Variants in TRAPPC9 observed in about 807,000 individuals in gnomAD.
TRAPPC9 encodes the protein IKK2 binding protein.
A neutral mutation model predicts 124.0 loss-of-function variants in TRAPPC9; 83 were observed. The observed-to-expected ratio is 0.67, with a 90% CI of 0.56 to 0.80. TRAPPC9 has a LOEUF of 0.80. Ranked by LOEUF, TRAPPC9 falls within the 30% of genes least tolerant of loss-of-function variation. TRAPPC9 has a pLI of 0.00. For missense variants in TRAPPC9, 1,302 were observed against 1,508.3 expected (o/e 0.86, Z 2.27); for synonymous variants, 638 against 617.5 (o/e 1.03, Z -0.49).
chr8:139,978,435 C>T (rs921533215), intron 19 of TRAPPC9, among the ~76,000 whole-genome samples: 1 of 152,130 alleles, frequency 6.6e-6, no homozygotes, highest in Non-Finnish European at 1.5e-5. Flanking sequence ...AATTTTAAAG[C>T]ATAATGAAGT....
chr8:140,114,610 G>A (rs115900458), intron 17 of TRAPPC9, among the ~76,000 whole-genome samples: 1 of 152,178 alleles, frequency 6.6e-6, no homozygotes, highest in Non-Finnish European at 1.5e-5. Context: ...GCAATCATTT[G>A]ATAATTGCTT....
chr8:140,351,927 G>A (rs1438147848), intron 9 of TRAPPC9, among the ~76,000 whole-genome samples: 1 of 152,152 alleles, frequency 6.6e-6, no homozygotes, highest in African/African-American at 2.4e-5. Flanking sequence ...CAATTCAATG[G>A]TTTTGAGGAT....
At chr8:139,867,795 C>G (rs4367514) in intron 21 of TRAPPC9, among the ~76,000 whole-genome samples, 126,580 of 152,234 alleles carry the variant, frequency 0.83, 53,254 homozygotes, top group East Asian at 1. Flanking sequence ...GAAAGATGGA[C>G]GAACTGTTCC....
chr8:140,185,803 G>C (rs900246242), intron 17 of TRAPPC9, among the ~76,000 whole-genome samples: 1 of 152,230 alleles, frequency 6.6e-6, no homozygotes, highest in Non-Finnish European at 1.5e-5. Flanking sequence ...TTTTAGGTGA[G>C]AACTGATGCA....
intron 18 of TRAPPC9, among the ~76,000 whole-genome samples, chr8:140,009,462 G>A (rs1838977779): frequency 6.6e-6 from 1 of 152,150 alleles, no homozygotes; most frequent in African/African-American, 2.4e-5. Context: ...TATTAATTTA[G>A]CAACAGATTT....
At chr8:140,348,746 G>T (rs949592993) in intron 9 of TRAPPC9, among the ~76,000 whole-genome samples, 1 of 152,284 alleles carries the variant, frequency 6.6e-6, no homozygotes, top group East Asian at 1.9e-4. Flanking sequence ...GTGGTGATAG[G>T]TGCACATATC....
intron 19 of TRAPPC9, among the ~76,000 whole-genome samples, chr8:139,980,437 A>T (rs943197511): frequency 6.6e-6 from 1 of 152,288 alleles, no homozygotes; most frequent in African/African-American, 2.4e-5. Flanking sequence ...CAAGAAGGAA[A>T]CAAAAGTCCC....
chr8:140,044,401 C>T (rs1318606390), intron 17 of TRAPPC9, among the ~76,000 whole-genome samples: 2 of 152,330 alleles, frequency 1.3e-5, no homozygotes, highest in South Asian at 2.1e-4. Flanking sequence ...GTAAAGAAAC[C>T]GTGGCTTGGA....
At chr8:139,900,662 T>G (rs1436384619) in intron 20 of TRAPPC9, among the ~76,000 whole-genome samples, 2 of 152,188 alleles carry the variant, frequency 1.3e-5, no homozygotes, top group Non-Finnish European at 2.9e-5. Flanking sequence ...CTTCCAAATC[T>G]TTGAAAAACA....
chr8:140,203,735 C>T (rs551202201), intron 17 of TRAPPC9, among the ~76,000 whole-genome samples: 1 of 152,286 alleles, frequency 6.6e-6, no homozygotes, highest in East Asian at 1.9e-4. Flanking sequence ...AGGACTCAGC[C>T]GAGGCAGTGG....
intron 17 of TRAPPC9, among the ~76,000 whole-genome samples, chr8:140,194,475 G>A (rs1587896116): frequency 6.6e-6 from 1 of 152,166 alleles, no homozygotes; most frequent in African/African-American, 2.4e-5. Context: ...TAGGAAAAAT[G>A]TCTGTACATG....
rs757970019 is a variant in TRAPPC9, at chr8:140,323,526, G to A, written c.1496-12152C>T. ...GATCCAACACTATCTTCAGATAGAC[G>A]GTATCAGAAGTAAATTAGAGGACAC... On this transcript the variant is annotated intron_variant, in intron 9 of 22. Transcript: ENST00000438773. Among the ~76,000 whole-genome samples, 21 of 152,084 alleles carry A rather than the reference G, an allele frequency of 1.4e-4. No individual in the cohort carries two copies. The South Asian group carries it at 2.3e-3, about 17-fold the overall frequency.
intron 18 of TRAPPC9, 123 bp from the exon 19 acceptor site, chr8:139,988,959 GT>G: frequency 1.4e-6 from 1 of 718,388 alleles, no homozygotes; most frequent in Non-Finnish European, 2.5e-6. Flanking sequence ...GAAATGCCAA[GT>G]GCTCCTGGGC....
At chr8:140,388,945 A>G (rs962417613) in intron 7 of TRAPPC9, among the ~76,000 whole-genome samples, 1 of 149,360 alleles carries the variant, frequency 6.7e-6, no homozygotes, top group African/African-American at 2.5e-5. Flanking sequence ...ACACAGAAGG[A>G]CAAACACTGT....
chr8:139,844,940 G>A (rs144978408), intron 21 of TRAPPC9, among the ~76,000 whole-genome samples: 1,675 of 152,216 alleles, frequency 0.011, 37 homozygotes, highest in African/African-American at 0.038. Flanking sequence ...CCGTCCCCAG[G>A]CCTGGCACAT....
intron 17 of TRAPPC9, among the ~76,000 whole-genome samples, chr8:140,188,141 C>T (rs568515598): frequency 5.3e-4 from 81 of 152,324 alleles, no homozygotes; most frequent in Non-Finnish European, 9.7e-4. Flanking sequence ...GCTAAATGTG[C>T]GAGCAGGAAT....
chr8:140,288,634 G>A (rs1035066270), intron 12 of TRAPPC9, among the ~76,000 whole-genome samples: 2 of 152,084 alleles, frequency 1.3e-5, no homozygotes, highest in Non-Finnish European at 2.9e-5. Context: ...CAAAACCAGG[G>A]TCAGAAAACG....
chr8:140,271,064 T>G (rs1250711340), intron 15 of TRAPPC9, among the ~76,000 whole-genome samples: 1 of 152,256 alleles, frequency 6.6e-6, no homozygotes, highest in African/African-American at 2.4e-5. Flanking sequence ...GGAGGGCAAG[T>G]TAAATTACAG....
chr8:140,395,874 C>T (rs1033299814), intron 7 of TRAPPC9, among the ~76,000 whole-genome samples: 1 of 152,074 alleles, frequency 6.6e-6, no homozygotes, highest in African/African-American at 2.4e-5. Flanking sequence ...TTGCCCTCCT[C>T]GGAGCCCGGC....
Sources: allele counts gnomAD v4.1 joint callset (sites outside exome capture counted in the v4.1 genomes callset), GRCh38; gene constraint gnomAD v4.1.1; transcripts MANE v1.5; gene names NCBI Gene and HGNC (gene_info 2026-07-23, HGNC 2026-07-21).